XIRP2: variants seen among roughly 807,000 people sequenced by gnomAD.
XIRP2 encodes xin actin binding repeat containing 2, also known as xin actin-binding repeat-containing protein 2.
Under a neutral mutation model 277.0 loss-of-function variants are expected in XIRP2, and 236 were observed. The ratio of observed to expected loss-of-function variants is 0.85; its 90% CI spans 0.77 to 0.95. The LOEUF is 0.95. Ranked by LOEUF, XIRP2 falls within the 40% of genes least tolerant of loss-of-function variation. XIRP2 has a pLI of 0.00. For missense variants in XIRP2, 4,640 were observed against 4,157.5 expected, an observed-to-expected ratio of 1.12 and a Z score of -3.19; for synonymous variants, 1,490 against 1,416.5, an observed-to-expected ratio of 1.05 and a Z score of -1.17.
chr2:167,239,427 G>T (rs1332874868), intron 5 of XIRP2, among the ~76,000 whole-genome samples: 1 of 152,196 alleles, frequency 6.6e-6, no homozygotes, highest in Non-Finnish European at 1.5e-5. Flanking sequence ...GCTTATCTGG[G>T]TTGGTCCAAT....
At chr2:166,890,817 C>T (rs1684082109) in intron 1 of XIRP2, among the ~76,000 whole-genome samples, 1 of 152,166 alleles carries the variant, frequency 6.6e-6, no homozygotes, top group African/African-American at 2.4e-5. Context: ...ATCCTCCAGA[C>T]AGTTTTCTGG....
At chr2:167,018,285 C>T (rs554515130) in intron 2 of XIRP2, among the ~76,000 whole-genome samples, 1 of 152,066 alleles carries the variant, frequency 6.6e-6, no homozygotes, top group Admixed American at 6.6e-5. Flanking sequence ...CTACCTTTGC[C>T]AGGGGTAGGA....
At chr2:167,012,745 TC>T (rs1444718572) in intron 2 of XIRP2, among the ~76,000 whole-genome samples, 1 of 151,682 alleles carries the variant, frequency 6.6e-6, no homozygotes, top group African/African-American at 2.4e-5. Context: ...TTAGTGCTTT[TC>T]TTTTAGAGAT....
intron 2 of XIRP2, among the ~76,000 whole-genome samples, chr2:167,104,255 G>T (rs1188128202): frequency 6.6e-6 from 1 of 151,768 alleles, no homozygotes; most frequent in Non-Finnish European, 1.5e-5. Flanking sequence ...TTTCCATCTT[G>T]TTCTTTTTAA....
intron 3 of XIRP2, among the ~76,000 whole-genome samples, chr2:167,204,535 C>T (rs376051194): frequency 3.5e-4 from 54 of 152,132 alleles, no homozygotes; most frequent in African/African-American, 8.7e-4. Flanking sequence ...TTTTAGAACC[C>T]GTCTCTGTTT....
intron 2 of XIRP2, among the ~76,000 whole-genome samples, chr2:167,006,939 T>C (rs1687518388): frequency 6.6e-6 from 1 of 151,688 alleles, no homozygotes. Flanking sequence ...AGAAAAGTAA[T>C]GAAAATCTAT....
chr2:167,137,542 A>G (rs193246247), intron 3 of XIRP2, among the ~76,000 whole-genome samples: 1 of 152,000 alleles, frequency 6.6e-6, no homozygotes, highest in Admixed American at 6.6e-5. Flanking sequence ...GAGATAATTA[A>G]CTCCACTCAT....
In XIRP2 at chr2:167,247,799, T is replaced by C; in HGVS notation, c.6407T>C (p.Met2136Thr). 1.2e-6 allele frequency: 2 copies of C among 1,612,116 alleles called. No homozygotes were observed. Among genetic ancestry groups the C allele is most frequent in the Non-Finnish European group, 1.7e-6 (2 of 1,179,342 alleles). The change falls in exon 9 of 11, where the codon ATG becomes ACG. Residue 2136 changes from methionine (M) to threonine (T), a missense_variant. Transcript: ENST00000409195. ...GAACTGAGAAATGACCACCAGAAAA[T>C]GGAGGGTTTTCATATAAAGAGTCCT... Reference protein sequence around the residue: ...TYELRNDHQKMEGFHIKSPKK... With the variant: ...TYELRNDHQKTEGFHIKSPKK...
At chr2:166,960,262 GA>G (rs149070729) in intron 2 of XIRP2, among the ~76,000 whole-genome samples, 4,582 of 151,742 alleles carry the variant, frequency 0.03, 98 homozygotes, top group East Asian at 0.079. Flanking sequence ...AAGTGGAAAA[GA>G]AAATGCCATT....
intron 3 of XIRP2, among the ~76,000 whole-genome samples, chr2:167,201,270 G>T (rs868101579): frequency 1.0e-5 from 1 of 97,462 alleles, no homozygotes; most frequent in African/African-American, 8.1e-5. Flanking sequence ...AAGAGAGAGG[G>T]AGAAAGGAAA....
At chr2:167,100,181 TA>T (rs968858394) in intron 2 of XIRP2, among the ~76,000 whole-genome samples, 35 of 151,278 alleles carry the variant, frequency 2.3e-4, no homozygotes, top group East Asian at 1.4e-3. Context: ...AAAAAAAAAT[TA>T]AAAAAAAATT....
At chr2:167,112,184 T>A (rs1453324761) in intron 2 of XIRP2, among the ~76,000 whole-genome samples, 2 of 152,112 alleles carry the variant, frequency 1.3e-5, no homozygotes, top group African/African-American at 4.8e-5. Flanking sequence ...TGATTTTGGT[T>A]ATTTCTTGTC....
chr2:167,033,957 C>T (rs1165764698), intron 2 of XIRP2, among the ~76,000 whole-genome samples: 1 of 152,012 alleles, frequency 6.6e-6, no homozygotes, highest in East Asian at 1.9e-4. Flanking sequence ...CTGGTAATAG[C>T]AAGTACACAG....
intron 2 of XIRP2, among the ~76,000 whole-genome samples, chr2:167,098,510 T>A (rs180771679): frequency 4.5e-4 from 68 of 152,244 alleles, no homozygotes; most frequent in African/African-American, 1.6e-3. Context: ...TTAGAGGAGT[T>A]TGTTATTACC....
At chr2:167,141,230 G>A (rs1356890104) in intron 3 of XIRP2, among the ~76,000 whole-genome samples, 2 of 152,150 alleles carry the variant, frequency 1.3e-5, no homozygotes, top group Non-Finnish European at 2.9e-5. Context: ...TGTCAGAAAT[G>A]TGTACATATT....
Position 167,245,381 on chromosome 2 carries a change from C to A in XIRP2, c.3989C>A (p.Ser1330Tyr). 6.2e-7 allele frequency: 1 copy of A among 1,613,502 alleles called. No individual in the cohort carries two copies. The highest frequency in any genetic ancestry group is 1.1e-5 in the South Asian group (1 of 91,052). The change falls in exon 9 of 11, where the codon TCC (serine) becomes TAC (tyrosine). Residue 1330 changes from serine to tyrosine, a missense_variant. Physicochemically the swap from Ser to Tyr is moderately radical, Grantham distance 144. Transcript: ENST00000409195. ...PLYAIQDREGSYHEVTTVKKE... is the reference protein window; with the variant it reads ...PLYAIQDREGYYHEVTTVKKE... ...TATGCAATTCAAGACCGAGAAGGGTCCTATCATGAAGTGACCACAGTTAAA... is the reference window on the plus strand; with the variant it reads ...TATGCAATTCAAGACCGAGAAGGGTACTATCATGAAGTGACCACAGTTAAA...
intron 8 of XIRP2, 124 bp from the exon 9 acceptor site, chr2:167,242,445 C>A: frequency 1.0e-6 from 1 of 975,104 alleles, no homozygotes; most frequent in Non-Finnish European, 1.5e-6. Context: ...ATGAGTATAT[C>A]ACATATTGTT....
At chr2:167,114,993 A>C (rs944290349) in intron 2 of XIRP2, among the ~76,000 whole-genome samples, 1 of 152,082 alleles carries the variant, frequency 6.6e-6, no homozygotes, top group African/African-American at 2.4e-5. Context: ...TGGTATTTCT[A>C]GTTCTAGATC....
At chr2:167,019,529 A>G (rs1687925123) in intron 2 of XIRP2, among the ~76,000 whole-genome samples, 1 of 152,078 alleles carries the variant, frequency 6.6e-6, no homozygotes, top group Admixed American at 6.6e-5. Flanking sequence ...TTACTAAAGA[A>G]GAAAATCACA....
Sources: allele counts gnomAD v4.1 joint callset (sites outside exome capture counted in the v4.1 genomes callset), GRCh38; gene constraint gnomAD v4.1.1; transcripts MANE v1.5; gene names NCBI Gene and HGNC (gene_info 2026-07-23, HGNC 2026-07-21).